The following CSMD2 variants were observed in gnomAD, a reference collection of about 807,000 sequenced individuals.
CSMD2 encodes CUB and Sushi multiple domains 2, also known as CUB and sushi domain-containing protein 2.
A neutral mutation model predicts 398.5 loss-of-function variants in CSMD2; 130 were observed. That is an observed-to-expected ratio of 0.33 (90% CI 0.28 to 0.38). The LOEUF (loss-of-function observed/expected upper bound fraction) is 0.38, where lower values mean the gene tolerates loss of function less well. Among genes scored for constraint, CSMD2 ranks in the 10% least tolerant of loss-of-function variants. CSMD2 has a pLI of 1.00. For synonymous variants in CSMD2, 1,828 were observed against 1,908.5 expected (o/e 0.96, Z 1.10); for missense variants, 3,829 against 4,764.9 (o/e 0.80, Z 5.78).
intron 11 of CSMD2, among the ~76,000 whole-genome samples, chr1:33,791,354 T>A (rs1157014783): frequency 6.6e-6 from 1 of 152,204 alleles, no homozygotes; most frequent in Non-Finnish European, 1.5e-5. Flanking sequence ...AAAGTTTCCA[T>A]CCCAGTGCCT....
At chr1:34,093,269 A>G (rs1658865145) in intron 1 of CSMD2, among the ~76,000 whole-genome samples, 1 of 152,254 alleles carries the variant, frequency 6.6e-6, no homozygotes, top group Non-Finnish European at 1.5e-5. Context: ...CATCGCCATC[A>G]TCAAAGACCA....
rs369288987 is a variant in CSMD2, at chr1:33,658,004, G to A, written c.4389C>T (p.Ile1463=). The A allele has an allele frequency of 1.9e-6, 3 of 1,614,108 alleles. No homozygotes were observed. The African/African-American group carries it at 4.0e-5, about 22-fold the overall frequency. ...PGYALQGSAE[I]SCVKIENRFF... The stretch of plus-strand genomic sequence containing the variant: ...ACCTGTTCTCGATCTTCACACAGCT[G>A]ATCTCTGCACTTCCCTGCAGCGCGT... Residue 1463 remains isoleucine (I), a synonymous_variant, in exon 27 of 71, where the codon ATC becomes ATT. Transcript: ENST00000373381.
intron 1 of CSMD2, among the ~76,000 whole-genome samples, chr1:34,127,887 GCTGCTC>G (rs1407495424): frequency 1.3e-5 from 2 of 151,958 alleles, no homozygotes; most frequent in Non-Finnish European, 2.9e-5. Flanking sequence ...AAGGAAAGGG[GCTGCTC>G]TGAGAGGAGT....
intron 4 of CSMD2, among the ~76,000 whole-genome samples, chr1:33,931,672 G>A (rs1570545728): frequency 6.6e-6 from 1 of 152,288 alleles, no homozygotes; most frequent in South Asian, 2.1e-4. Context: ...TCTCTGGTGT[G>A]GCTAAAGTGG....
chr1:33,665,754 T>C (rs1290712007), intron 25 of CSMD2, among the ~76,000 whole-genome samples: 1 of 152,018 alleles, frequency 6.6e-6, no homozygotes, highest in East Asian at 1.9e-4. Context: ...GCTAACAAGT[T>C]CATTACTCTT....
chr1:33,852,003 A>G (rs1469747452), intron 5 of CSMD2, among the ~76,000 whole-genome samples: 7 of 152,006 alleles, frequency 4.6e-5, no homozygotes, highest in Non-Finnish European at 2.9e-5. Flanking sequence ...TAAAGATTCA[A>G]TTCCCGGCTA....
intron 3 of CSMD2, among the ~76,000 whole-genome samples, chr1:33,960,971 AC>A (rs1645338861): frequency 6.6e-6 from 1 of 152,030 alleles, no homozygotes; most frequent in African/African-American, 2.4e-5. Context: ...GGCACAGACA[AC>A]CCCAGGCCAC....
intron 53 of CSMD2, among the ~76,000 whole-genome samples, chr1:33,561,837 T>C (rs999964171): frequency 6.6e-6 from 1 of 152,100 alleles, no homozygotes; most frequent in South Asian, 2.1e-4. Context: ...CCCCTGAAAT[T>C]ATATGCAAGG....
In CSMD2 at chr1:33,533,476, C is replaced by T. The variant is rs1655453978; in HGVS notation, c.9992-247G>A. On this transcript the variant is annotated intron_variant, in intron 63 of 70. Coordinates refer to ENST00000373381, the MANE Select transcript of CSMD2 (RefSeq NM_001281956.2). This position sits in a 1 kb window ranked among gnomAD's most constrained non-coding sequence, Gnocchi z 4.2. ...GTTGGGGGAACTTAAGCCTGCAGCA[C>T]TTCCTGAGGGGTAAAGGAGTAACTG... Among the ~76,000 whole-genome samples the T allele has an allele frequency of 6.6e-6, 1 of 152,202 alleles. No homozygotes were observed. Among genetic ancestry groups the T allele is most frequent in the African/African-American group, 2.4e-5 (1 of 41,440 alleles).
chr1:33,888,292 CACA>C (rs1292389843), intron 5 of CSMD2, among the ~76,000 whole-genome samples: 7 of 152,006 alleles, frequency 4.6e-5, no homozygotes, highest in East Asian at 1.9e-4. Context: ...AAAGTAAACG[CACA>C]ACAATTGTCA....
intron 10 of CSMD2, among the ~76,000 whole-genome samples, chr1:33,804,566 T>C (rs1313863136): frequency 6.6e-6 from 1 of 151,450 alleles, no homozygotes; most frequent in Admixed American, 6.6e-5. Flanking sequence ...TTTTTTTTTT[T>C]CAGACCTGTT....
intron 5 of CSMD2, chr1:33,862,424 T>C (rs1188310097): frequency 6.8e-6 from 1 of 146,944 alleles, no homozygotes; most frequent in East Asian, 2.1e-4. Flanking sequence ...CTGATGAATA[T>C]GTGGACTTTC....
At chr1:33,882,490 T>A (rs1641303271) in intron 5 of CSMD2, among the ~76,000 whole-genome samples, 1 of 152,240 alleles carries the variant, frequency 6.6e-6, no homozygotes, top group African/African-American at 2.4e-5. Context: ...TACCTTTCTA[T>A]TGACTGTTAA....
chr1:33,829,076 T>C (rs984254383), intron 6 of CSMD2, among the ~76,000 whole-genome samples: 2 of 152,208 alleles, frequency 1.3e-5, no homozygotes, highest in Non-Finnish European at 2.9e-5. Flanking sequence ...AGCCACCACA[T>C]GGTCATCGGA....
rs1023723117 is a variant in CSMD2 at position 34,135,260 on chromosome 1, A to T, written c.187+29651T>A. Among the ~76,000 whole-genome samples the T allele has an allele frequency of 8.2e-5, 12 of 145,814 alleles. No homozygotes were observed. In the East Asian group the frequency reaches 9.7e-4, roughly 12 times the overall value. On this transcript the variant is annotated intron_variant, in intron 1 of 70. Coordinates refer to ENST00000373381, the MANE Select transcript of CSMD2 (RefSeq NM_001281956.2). ...GTTGAAATCACACACACACACACAC[A>T]CACACACACACACACACACACACAC...
At chr1:33,967,260 T>C (rs2125410870) in intron 3 of CSMD2, among the ~76,000 whole-genome samples, 1 of 148,232 alleles carries the variant, frequency 6.7e-6, no homozygotes, top group Non-Finnish European at 1.5e-5. Flanking sequence ...TCACAGACTT[T>C]TTTTTTTAAA....
chr1:33,804,855 A>G, intron 10 of CSMD2: 1 of 717,468 alleles, frequency 1.4e-6, no homozygotes, highest in Non-Finnish European at 2.6e-6. Flanking sequence ...TTCCACACTT[A>G]GACCCTCCTT....
At chr1:33,759,324 C>CTTTTTT (rs756784492) in intron 13 of CSMD2, among the ~76,000 whole-genome samples, 2 of 124,790 alleles carry the variant, frequency 1.6e-5, no homozygotes, top group East Asian at 2.3e-4. Flanking sequence ...CTTTTTTTTT[C>CTTTTTT]TTTTTTTTTT....
rs148199011 is a variant in CSMD2, at chr1:33,611,166, C to A, written c.6218G>T (p.Arg2073Leu). 6.2e-7 allele frequency: 1 copy of A among 1,613,932 alleles called. No homozygotes were observed. Among genetic ancestry groups the A allele is most frequent in the South Asian group, 1.1e-5 (1 of 91,038 alleles). ...GCTTCCACTGAATCTTCCCATCATG[C>A]GGCTGGTCTCATAGGGGCCATTCCG... ...EIRNGPYETS[R>L]MMGRFSGSEL... Residue 2073 changes from arginine to leucine, a missense_variant, in exon 41 of 71, where the codon CGC becomes CTC. Physicochemically the swap from Arg to Leu is moderately radical, Grantham distance 102 (BLOSUM62 -2). This residue lies in a region of CSMD2 where 2,001 missense variants were observed against 2,567.1 expected (regional missense o/e 0.78). Transcript: ENST00000373381.
Sources: allele counts gnomAD v4.1 joint callset (sites outside exome capture counted in the v4.1 genomes callset), GRCh38; gene constraint gnomAD v4.1.1; regional missense constraint gnomAD v4.1.1; non-coding constraint Gnocchi (gnomAD v3.1); transcripts MANE v1.5; gene names NCBI Gene and HGNC (gene_info 2026-07-23, HGNC 2026-07-21).